CXorf58: variants seen among roughly 807,000 people sequenced by gnomAD.
CXorf58 encodes chromosome X open reading frame 58.
CXorf58 carries 24 observed loss-of-function variants against 26.0 expected under a neutral mutation model. The ratio of observed to expected loss-of-function variants is 0.92; its 90% CI spans 0.67 to 1.30. The LOEUF is 1.30. Among genes scored for constraint, CXorf58 ranks in the 50% most tolerant of loss-of-function variants. CXorf58 has a pLI of 0.00. For synonymous variants in CXorf58, 87 were observed against 86.1 expected (o/e 1.01, Z -0.06); for missense variants, 236 against 263.9 (o/e 0.89, Z 0.73).
Position 23,916,308 on chromosome X carries a change from G to A in CXorf58, c.403G>A (p.Val135Ile), listed in dbSNP as rs761533023. The change falls in exon 5 of 9, where the codon GTA (valine) becomes ATA (isoleucine). Residue 135 changes from valine (V) to isoleucine (I), a missense_variant. Physicochemically the swap from Val to Ile is conservative, Grantham distance 29. Coordinates refer to ENST00000379211, the MANE Select transcript of CXorf58 (RefSeq NM_152761.3). ...HGYKYFSGKN[V>I]LMPSSKAVDD... ...TTACAAGTATTTTAGTGGAAAAAAT[G>A]TATTAATGCCGTCAAGTAAGGTGAC... 7.6e-6 allele frequency: 9 copies of A among 1,177,800 alleles called. No individual in the cohort carries two copies. The Admixed American group carries it at 1.3e-4, about 18-fold the overall frequency.
At position 23,912,729 on chromosome X, in the gene CXorf58, GA is replaced by G. The variant is rs773053364; in HGVS notation, c.216+874del. Among the ~76,000 whole-genome samples, 470 of 111,645 alleles carry G rather than the reference GA, an allele frequency of 4.2e-3. 4 individuals are homozygous for G. Among genetic ancestry groups the G allele is most frequent in the African/African-American group, 0.015 (450 of 30,761 alleles). On this transcript the variant is annotated intron_variant, in intron 3 of 8. Coordinates refer to ENST00000379211, the MANE Select transcript of CXorf58 (RefSeq NM_152761.3). ...ACTACATTCCAGCCTGGGCGACAGT[GA>G]GACTCTGTCCCCCTTCAAAAAGCTC... is the stretch of plus-strand genomic sequence containing the variant.
At position 23,939,275 on chromosome X, in the gene CXorf58, A is replaced by G. The variant is rs1601973664; in HGVS notation, c.971A>G (p.Asp324Gly). 3.3e-6 allele frequency: 4 copies of G among 1,196,848 alleles called. No individual in the cohort carries two copies. Among genetic ancestry groups the G allele is most frequent in the South Asian group, 1.8e-5 (1 of 55,191 alleles). ...AAAACGGGCCCATCAGGTACAAAGGATAACTATCATCTCCACTCCATCTTT... is the reference window on the plus strand; with the variant it reads ...AAAACGGGCCCATCAGGTACAAAGGGTAACTATCATCTCCACTCCATCTTT... ...EPKTGPSGTK[D>G]NYHLHSIF The change falls in exon 9 of 9, where the codon GAT becomes GGT. Residue 324 changes from aspartate to glycine, a missense_variant. Transcript: ENST00000379211.
chrX:23,937,465 C>T (rs1167416519), intron 7 of CXorf58, among the ~76,000 whole-genome samples: 2 of 103,768 alleles, frequency 1.9e-5, no homozygotes, highest in Non-Finnish European at 3.9e-5. Context: ...ACTCTTGTCA[C>T]CCAGGCTGGA....
intron 3 of CXorf58, among the ~76,000 whole-genome samples, chrX:23,914,484 A>G (rs1326043362): frequency 8.9e-6 from 1 of 112,364 alleles, no homozygotes; most frequent in Non-Finnish European, 1.9e-5. Context: ...AGAGTCAAAC[A>G]GAACTAAATG....
At chrX:23,925,409 A>T (rs1162761273) in intron 5 of CXorf58, among the ~76,000 whole-genome samples, 13 of 102,606 alleles carry the variant, frequency 1.3e-4, no homozygotes, top group Non-Finnish European at 3.9e-5. Context: ...GTGCAGTGGC[A>T]TGATCTCAGC....
intron 6 of CXorf58, among the ~76,000 whole-genome samples, chrX:23,928,369 G>T (rs111869698): frequency 0.072 from 7,921 of 110,282 alleles, 640 homozygotes; most frequent in African/African-American, 0.23. Context: ...TTTTAGTAGA[G>T]ACGGGGTTTC....
At chrX:23,908,530 A>G (rs1320637288) in intron 1 of CXorf58, among the ~76,000 whole-genome samples, 1 of 112,128 alleles carries the variant, frequency 8.9e-6, no homozygotes, top group African/African-American at 3.2e-5. Context: ...TATTATTCCC[A>G]ATACATAGAT....
chrX:23,939,033 CT>C (rs1269410699), intron 8 of CXorf58, among the ~76,000 whole-genome samples: 1 of 111,763 alleles, frequency 8.9e-6, no homozygotes. Context: ...TCTATCTAAA[CT>C]TATTAAGAAC....
chrX:23,935,155 C>T (rs746675097), intron 6 of CXorf58, 41 bp from the exon 7 acceptor site: 8 of 1,071,008 alleles, frequency 7.5e-6, no homozygotes, highest in East Asian at 3.0e-5. Flanking sequence ...TATGAGCCAC[C>T]GCACCTGGCC....
At chrX:23,918,297 C>A (rs751400276) in intron 5 of CXorf58, among the ~76,000 whole-genome samples, 115 of 110,699 alleles carry the variant, frequency 1.0e-3, no homozygotes, top group African/African-American at 3.6e-3. Flanking sequence ...TAATTTCTTG[C>A]TTTTTATTTT....
chrX:23,917,163 C>T (rs1294154496), intron 5 of CXorf58, among the ~76,000 whole-genome samples: 7 of 106,497 alleles, frequency 6.6e-5, no homozygotes, highest in African/African-American at 2.0e-4. Context: ...GGTGAAACCC[C>T]GTCTCTACTA....
chrX:23,911,084 T>G (rs779535075), intron 2 of CXorf58, among the ~76,000 whole-genome samples: 2 of 111,028 alleles, frequency 1.8e-5, no homozygotes, highest in Non-Finnish European at 3.8e-5. Flanking sequence ...TTCTTCTTTA[T>G]ATCTTGTAGC....
chrX:23,929,438 A>G (rs1261827109), intron 6 of CXorf58, among the ~76,000 whole-genome samples: 1 of 109,269 alleles, frequency 9.2e-6, no homozygotes, highest in African/African-American at 3.3e-5. Flanking sequence ...AGAAAAAAAA[A>G]GAAAAACCAG....
chrX:23,924,602 T>C (rs544122860), intron 5 of CXorf58, among the ~76,000 whole-genome samples: 2 of 107,147 alleles, frequency 1.9e-5, no homozygotes, highest in East Asian at 5.9e-4. Context: ...GGATTACAGG[T>C]GTGAGCTACT....
chrX:23,936,581 GAAGA>G (rs1277854481), intron 7 of CXorf58, among the ~76,000 whole-genome samples: 2 of 111,959 alleles, frequency 1.8e-5, no homozygotes, highest in African/African-American at 6.5e-5. Flanking sequence ...TTTCTTAAAA[GAAGA>G]AAGAGATAAT....
At chrX:23,924,188 C>A (rs1471619101) in intron 5 of CXorf58, among the ~76,000 whole-genome samples, 1 of 111,806 alleles carries the variant, frequency 8.9e-6, no homozygotes, top group Non-Finnish European at 1.9e-5. Context: ...GTTCAGTGTA[C>A]AATTACTTGT....
chrX:23,924,565 C>G (rs1425622875), intron 5 of CXorf58, among the ~76,000 whole-genome samples: 1 of 108,936 alleles, frequency 9.2e-6, no homozygotes, highest in African/African-American at 3.3e-5. Flanking sequence ...TCAGGTGATC[C>G]ACCTGCTTTG....
chrX:23,911,951 C>CTT, intron 3 of CXorf58, 95 bp downstream of exon 3: 1 of 577,013 alleles, frequency 1.7e-6, no homozygotes, highest in Admixed American at 3.8e-5. Flanking sequence ...TCTTTATCTC[C>CTT]TCTTTTTTTT....
intron 3 of CXorf58, among the ~76,000 whole-genome samples, chrX:23,914,317 C>T (rs113177283): frequency 9.9e-5 from 11 of 110,976 alleles, no homozygotes; most frequent in Non-Finnish European, 1.7e-4. Flanking sequence ...AACTCTTGAC[C>T]TCAGGTGATC....
Sources: gnomAD v4.1 joint callset for allele counts (sites outside exome capture counted in the v4.1 genomes callset) on GRCh38, gnomAD v4.1.1 for gene constraint, MANE v1.5 for transcripts, NCBI Gene and HGNC (gene_info 2026-07-23, HGNC 2026-07-21) for gene names.